The following POLDIP3 variants were observed in gnomAD, a reference collection of about 807,000 sequenced individuals.
The protein encoded by POLDIP3 is DNA polymerase delta interacting protein 3.
POLDIP3 carries 14 observed loss-of-function variants against 45.1 expected under a neutral mutation model. The ratio of observed to expected loss-of-function variants is 0.31; its 90% CI spans 0.20 to 0.49. POLDIP3 has a LOEUF of 0.49. Ranked by LOEUF, POLDIP3 falls within the 20% of genes least tolerant of loss-of-function variation. The pLI is 0.99. For missense variants in POLDIP3, 511 were observed against 538.8 expected (o/e 0.95, Z 0.51); for synonymous variants, 223 against 205.2 (o/e 1.09, Z -0.74).
chr22:42,613,284 G>C (rs1375954886), intron 1 of POLDIP3, among the ~76,000 whole-genome samples: 1 of 152,192 alleles, frequency 6.6e-6, no homozygotes, highest in Non-Finnish European at 1.5e-5. Flanking sequence ...CAGTAGTTGA[G>C]GAAACAAATA....
chr22:42,598,248 TA>T lies in POLDIP3; in HGVS notation c.633+1449del, dbSNP rs779464197. On this transcript the variant is annotated intron_variant, in intron 4 of 8. Coordinates refer to ENST00000252115, the MANE Select transcript of POLDIP3 (RefSeq NM_032311.5). ...CAGGTGCCCGCCACCACACCCCGGA[TA>T]TTTTTTTTTTTTTTTTTTTTGAGAC... 8.3e-4 allele frequency among the ~76,000 whole-genome samples: 101 copies of T among 122,292 alleles called. 4 individuals carry two copies. The South Asian group carries it at 0.017, about 21-fold the overall frequency. 80.2% of individuals were successfully genotyped at this position (122,292 alleles called of 152,430 possible).
chr22:42,592,227 G>C, intron 6 of POLDIP3, 143 bp from the exon 7 acceptor site: 2 of 1,246,656 alleles, frequency 1.6e-6, no homozygotes, highest in East Asian at 4.7e-5. Context: ...TCCACGCGAG[G>C]TGGTGCTCTG....
At chr22:42,589,130 C>T (rs1925505355) in intron 7 of POLDIP3, among the ~76,000 whole-genome samples, 1 of 151,954 alleles carries the variant, frequency 6.6e-6, no homozygotes, top group Admixed American at 6.6e-5. Flanking sequence ...GTAGTCTCAG[C>T]CACTCAGGAG....
Position 42,596,380 on chromosome 22 carries a change from A to G in POLDIP3, c.634-15T>C, listed in dbSNP as rs201373283. 6.2e-7 allele frequency: 1 copy of G among 1,610,946 alleles called. No individual in the cohort carries two copies. The highest frequency in any genetic ancestry group is 1.3e-5 in the African/African-American group (1 of 74,770). ...CTTAGCCCAGCCTAAACGAAGAGAC[A>G]GAAAAGAATCTGAGAAGCCAGACCT... On this transcript the variant is annotated splice_polypyrimidine_tract_variant and intron_variant, in intron 4 of 8. Coordinates refer to ENST00000252115, the MANE Select transcript of POLDIP3 (RefSeq NM_032311.5).
At chr22:42,612,836 AC>A (rs1927207201) in intron 1 of POLDIP3, among the ~76,000 whole-genome samples, 1 of 152,054 alleles carries the variant, frequency 6.6e-6, no homozygotes, top group African/African-American at 2.4e-5. Context: ...AAAAAAACAA[AC>A]AAAAAAAACC....
chr22:42,595,353 C>G lies in POLDIP3; in HGVS notation c.891+184G>C, dbSNP rs981267704. 5.2e-4 allele frequency among the ~76,000 whole-genome samples: 79 copies of G among 152,238 alleles called. 1 individual carries two copies. The highest frequency in any genetic ancestry group is 1.2e-4 in the Non-Finnish European group (8 of 68,042). On this transcript the variant is annotated intron_variant, in intron 6 of 8. Coordinates refer to ENST00000252115, the MANE Select transcript of POLDIP3 (RefSeq NM_032311.5). ...TCTGGAGGCTTGTGCCTCGTTTCCC[C>G]CCGACTTCACCCCATGAGCCATTTG...
At position 42,595,549 on chromosome 22, in the gene POLDIP3, C is replaced by T. The variant is rs1925933359; in HGVS notation, c.879G>A (p.Glu293=). Residue 293 remains glutamate, a synonymous_variant, in exon 6 of 9, where the codon GAG becomes GAA. Transcript: ENST00000252115. ...TVNNLHPRVT[E]EDIVELFCVC... is the part of the protein sequence containing the mutation. ...TCACAGTACTTACAACAATGTCCTC[C>T]TCAGTGACTCGAGGGTGCAGATTAT... 2 of 1,613,882 alleles carry T rather than the reference C, an allele frequency of 1.2e-6. No homozygotes were observed. Among genetic ancestry groups the T allele is most frequent in the African/African-American group, 2.7e-5 (2 of 74,912 alleles).
chr22:42,602,899 C>T lies in POLDIP3; in HGVS notation c.321G>A (p.Val107=), dbSNP rs1926488017. The T allele has an allele frequency of 1.2e-6, 2 of 1,614,040 alleles. No individual in the cohort carries two copies. The highest frequency in any genetic ancestry group is 1.7e-6 in the Non-Finnish European group (2 of 1,180,010). Residue 107 remains valine (V), a synonymous_variant, in exon 2 of 9, where the codon GTG becomes GTA. Transcript: ENST00000252115. ...CAGCAACCTGGCGGGGCTTCTGGGG[C>T]ACCGTGGTCTGCTGCTTGCGAGAGT... ...MLNSRKQQTT[V]PQKPRQVADA... is the part of the protein sequence containing the mutation.
intron 1 of POLDIP3, among the ~76,000 whole-genome samples, chr22:42,608,871 GT>G (rs1309923437): frequency 6.6e-6 from 1 of 152,202 alleles, no homozygotes; most frequent in Non-Finnish European, 1.5e-5. Flanking sequence ...GATGCACTCA[GT>G]TCCCTGGTTC....
At chr22:42,592,201 G>A (rs1925709963) in intron 6 of POLDIP3, 117 bp from the exon 7 acceptor site, 1 of 1,466,650 alleles carries the variant, frequency 6.8e-7, no homozygotes, top group Non-Finnish European at 9.3e-7. Flanking sequence ...CCCTGCGCCT[G>A]AGACTGCGGG....
intron 4 of POLDIP3, among the ~76,000 whole-genome samples, chr22:42,599,319 T>G (rs1249305813): frequency 6.6e-6 from 1 of 152,164 alleles, no homozygotes; most frequent in Non-Finnish European, 1.5e-5. Flanking sequence ...AAGGCTCTAT[T>G]CACGCCGGGC....
intron 1 of POLDIP3, among the ~76,000 whole-genome samples, chr22:42,608,172 A>C (rs901927998): frequency 6.6e-6 from 1 of 152,256 alleles, no homozygotes; most frequent in African/African-American, 2.4e-5. Flanking sequence ...CTGTGTAGAA[A>C]GAAGTAGACG....
intron 2 of POLDIP3, 124 bp downstream of exon 2, chr22:42,602,646 A>T: frequency 8.8e-7 from 1 of 1,141,808 alleles, no homozygotes. Context: ...TGTAAGGAGC[A>T]AAGTCTGTAT....
rs200177694 is a variant in POLDIP3, at chr22:42,596,216, T to C, written c.783A>G (p.Glu261=). 1.6e-5 allele frequency: 26 copies of C among 1,614,216 alleles called. No individual in the cohort carries two copies. In the African/African-American group the frequency reaches 2.4e-4, roughly 15 times the overall value. Residue 261 remains glutamate, a synonymous_variant, in exon 5 of 9, where the codon GAA becomes GAG. Coordinates refer to ENST00000252115, the MANE Select transcript of POLDIP3 (RefSeq NM_032311.5). The part of the protein sequence containing the change: ...TNMSRTLVNK[E]EPPKELPAAE... ...CAGCTGGCAGCTCTTTGGGGGGTTC[T>C]TCCTTGTTCACCAGTGTCCGGGACA... is the stretch of plus-strand genomic sequence containing the variant.
chr22:42,614,355 G>A (rs1601915292), intron 1 of POLDIP3, among the ~76,000 whole-genome samples: 4 of 152,382 alleles, frequency 2.6e-5, no homozygotes, highest in African/African-American at 9.6e-5. Context: ...TTGCGCCTCA[G>A]CTTCGGCGGT....
chr22:42,614,424 AGACCAG>A (rs1927333696), intron 1 of POLDIP3, among the ~76,000 whole-genome samples: 1 of 152,156 alleles, frequency 6.6e-6, no homozygotes, highest in Non-Finnish European at 1.5e-5. Flanking sequence ...AGATGGGTGG[AGACCAG>A]GCAGCGCCGA....
intron 3 of POLDIP3, among the ~76,000 whole-genome samples, chr22:42,601,741 C>T (rs938035160): frequency 6.6e-6 from 1 of 152,186 alleles, no homozygotes; most frequent in Non-Finnish European, 1.5e-5. Context: ...AGCCTAGCGA[C>T]AGAGCGAGAC....
Position 42,594,166 on chromosome 22 carries a change from CA to C in POLDIP3, c.891+1370del. Among the ~76,000 whole-genome samples, 3 of 152,228 alleles carry C rather than the reference CA, an allele frequency of 2.0e-5. No homozygotes were observed. The East Asian group carries it at 5.8e-4, about 29-fold the overall frequency. On this transcript the variant is annotated intron_variant, in intron 6 of 8. Coordinates refer to ENST00000252115, the MANE Select transcript of POLDIP3 (RefSeq NM_032311.5). The stretch of plus-strand genomic sequence containing the variant: ...ATCCCAGCTACCAGGGAGGCTGAGG[CA>C]TAAGAATCACTTGAACCCAGGAGGC...
At chr22:42,611,784 G>A (rs1358676427) in intron 1 of POLDIP3, among the ~76,000 whole-genome samples, 2 of 152,080 alleles carry the variant, frequency 1.3e-5, no homozygotes, top group Non-Finnish European at 2.9e-5. Context: ...GGCTGAGGCA[G>A]GAGAATCGCT....
Sources: allele counts gnomAD v4.1 joint callset (sites outside exome capture counted in the v4.1 genomes callset), GRCh38; gene constraint gnomAD v4.1.1; transcripts MANE v1.5; gene names NCBI Gene and HGNC (gene_info 2026-07-23, HGNC 2026-07-21).